The following ANK3 variants were observed in gnomAD, a reference collection of about 807,000 sequenced individuals.
The protein encoded by ANK3 is ankyrin-3.
Under a neutral mutation model 370.9 loss-of-function variants are expected in ANK3, and 57 were observed. The observed-to-expected ratio is 0.15, with a 90% CI of 0.12 to 0.19. ANK3 has a LOEUF of 0.19. ANK3 is among the 10% of genes least tolerant of loss of function. The probability of loss-of-function intolerance (pLI) is 1.00; values close to 1 mark genes in which losing one functional copy is unlikely to be tolerated. For synonymous variants in ANK3, 1,929 were observed against 1,946.3 expected, an observed-to-expected ratio of 0.99 and a Z score of 0.23; for missense variants, 4,439 against 5,302.1, an observed-to-expected ratio of 0.84 and a Z score of 5.06.
intron 2 of ANK3, among the ~76,000 whole-genome samples, chr10:60,558,352 A>C (rs2077257152): frequency 6.6e-6 from 1 of 152,244 alleles, no homozygotes; most frequent in African/African-American, 2.4e-5. Flanking sequence ...AACAACTTGA[A>C]GTAGGTGCTA....
chr10:60,292,501 A>G (rs938681959), intron 1 of ANK3, among the ~76,000 whole-genome samples: 2 of 152,118 alleles, frequency 1.3e-5, no homozygotes, highest in Non-Finnish European at 2.9e-5. Context: ...GGAAAAGTGT[A>G]ATCATGTTTA....
intron 2 of ANK3, among the ~76,000 whole-genome samples, chr10:60,552,933 T>C (rs1054460368): frequency 2.0e-4 from 31 of 152,184 alleles, no homozygotes; most frequent in African/African-American, 7.5e-4. Context: ...GCTCTCTCTT[T>C]GCCTGCTGCC....
At chr10:60,109,657 A>AGCTGTCT (rs1244084889) in intron 26 of ANK3, among the ~76,000 whole-genome samples, 1 of 152,210 alleles carries the variant, frequency 6.6e-6, no homozygotes, top group Non-Finnish European at 1.5e-5. Flanking sequence ...TGGGCTTAAA[A>AGCTGTCT]GCTGTCTGAA....
chr10:60,689,186 C>T (rs761388891), intron 1 of ANK3, among the ~76,000 whole-genome samples: 1 of 151,996 alleles, frequency 6.6e-6, no homozygotes, highest in Non-Finnish European at 1.5e-5. Flanking sequence ...GAGTGCTTGA[C>T]CCCAGGAGTT....
Position 60,458,219 on chromosome 10 carries a change from A to G in ANK3, c.96+156967T>C, listed in dbSNP as rs575931200. Among the ~76,000 whole-genome samples the G allele has an allele frequency of 2.0e-5, 3 of 152,014 alleles. No individual in the cohort carries two copies. The South Asian group carries it at 6.2e-4, about 32-fold the overall frequency. On this transcript the variant is annotated intron_variant, in intron 2 of 43. Coordinates refer to the ANK3 transcript ENST00000373827. ...GGAAGTTACTGGGAAATGAAAGTGT[A>G]CTCTCTCCTTTCATGTTCTTTCATT... is the stretch of plus-strand genomic sequence containing the variant.
chr10:60,720,423 A>G (rs967962413), intron 1 of ANK3, among the ~76,000 whole-genome samples: 1 of 152,210 alleles, frequency 6.6e-6, no homozygotes, highest in Admixed American at 6.5e-5. Flanking sequence ...TTAGCAGAAA[A>G]TTGTTGCAGG....
chr10:60,256,449 T>C (rs1310270930), intron 7 of ANK3, among the ~76,000 whole-genome samples: 3 of 152,242 alleles, frequency 2.0e-5, no homozygotes, highest in South Asian at 2.1e-4. Context: ...CTAAGCCATG[T>C]TGGCCTCAGG....
chr10:60,063,908 G>A (rs2081116474), intron 39 of ANK3, among the ~76,000 whole-genome samples: 1 of 152,120 alleles, frequency 6.6e-6, no homozygotes, highest in Non-Finnish European at 1.5e-5. Context: ...GAGAATGTCA[G>A]GCCAGATGCG....
chr10:60,550,968 A>G (rs2133232174), intron 2 of ANK3, among the ~76,000 whole-genome samples: 1 of 152,178 alleles, frequency 6.6e-6, no homozygotes, highest in African/African-American at 2.4e-5. Flanking sequence ...AATTTACAAA[A>G]TGGTTTAGTG....
chr10:60,135,496 G>A (rs2094298567), intron 24 of ANK3, among the ~76,000 whole-genome samples: 1 of 152,228 alleles, frequency 6.6e-6, no homozygotes, highest in African/African-American at 2.4e-5. Context: ...TAGACATCCA[G>A]CCCCTTTTGT....
At chr10:60,389,199 T>C (rs749825164) in intron 1 of ANK3, among the ~76,000 whole-genome samples, 1 of 152,112 alleles carries the variant, frequency 6.6e-6, no homozygotes, top group African/African-American at 2.4e-5. Context: ...AAGCACACTT[T>C]CCGCATAGCC....
chr10:60,301,300 A>G (rs1036572434), intron 1 of ANK3, among the ~76,000 whole-genome samples: 1 of 150,082 alleles, frequency 6.7e-6, no homozygotes, highest in Non-Finnish European at 1.5e-5. Context: ...ACACACACAT[A>G]CATATATACA....
At chr10:60,349,523 G>A (rs1292638097) in intron 1 of ANK3, among the ~76,000 whole-genome samples, 3 of 147,268 alleles carry the variant, frequency 2.0e-5, no homozygotes. Context: ...TTTTAAACAT[G>A]AAAAACTCCA....
At chr10:60,656,261 C>A (rs2078861915) in intron 1 of ANK3, among the ~76,000 whole-genome samples, 1 of 140,900 alleles carries the variant, frequency 7.1e-6, no homozygotes, top group South Asian at 2.4e-4. Context: ...AGCATTAGTA[C>A]CTTTCATCTA....
At chr10:60,451,582 T>C (rs2064603609) in intron 2 of ANK3, among the ~76,000 whole-genome samples, 1 of 152,202 alleles carries the variant, frequency 6.6e-6, no homozygotes, top group South Asian at 2.1e-4. Flanking sequence ...CTTCACTTCC[T>C]ACCCAGAACA....
intron 2 of ANK3, among the ~76,000 whole-genome samples, chr10:60,492,730 AAAGAAAG>A (rs1371634013): frequency 4.1e-4 from 57 of 140,656 alleles, no homozygotes; most frequent in African/African-American, 1.5e-3. Flanking sequence ...AAAAAGAAAG[AAAGAAAG>A]AAAAAAAAAA....
At chr10:60,565,015 C>G (rs1319068285) in intron 2 of ANK3, among the ~76,000 whole-genome samples, 1 of 151,910 alleles carries the variant, frequency 6.6e-6, no homozygotes, top group Non-Finnish European at 1.5e-5. Flanking sequence ...CTCAAGGGAC[C>G]AAGTCTTCAG....
At chr10:60,594,620 C>T (rs1005291124) in intron 2 of ANK3, among the ~76,000 whole-genome samples, 16 of 151,834 alleles carry the variant, frequency 1.1e-4, no homozygotes, top group South Asian at 2.1e-4. Flanking sequence ...CACACACACA[C>T]GACTATATGT....
At chr10:60,532,922 T>C (rs2076641121) in intron 2 of ANK3, among the ~76,000 whole-genome samples, 1 of 152,002 alleles carries the variant, frequency 6.6e-6, no homozygotes, top group Non-Finnish European at 1.5e-5. Context: ...GCTGAATGTT[T>C]AACAAGTACC....
Sources: allele counts gnomAD v4.1 joint callset (sites outside exome capture counted in the v4.1 genomes callset), GRCh38; gene constraint gnomAD v4.1.1; transcripts MANE v1.5; gene names NCBI Gene and HGNC (gene_info 2026-07-23, HGNC 2026-07-21).